NGLY1: variants seen among roughly 807,000 people sequenced by gnomAD.
NGLY1 encodes the protein N-glycanase 1.
Under a neutral mutation model 84.6 loss-of-function variants are expected in NGLY1, and 68 were observed. The ratio of observed to expected loss-of-function variants is 0.80; its 90% CI spans 0.66 to 0.98. The LOEUF is 0.98. NGLY1 is among the 50% of genes least tolerant of loss of function. The pLI, the probability that NGLY1 is intolerant of heterozygous loss-of-function variation, is 0.00. For missense variants in NGLY1, 779 were observed against 770.2 expected (o/e 1.01, Z -0.14); for synonymous variants, 280 against 275.2 (o/e 1.02, Z -0.17).
At chr3:25,755,493 C>G (rs982367181) in intron 3 of NGLY1, 1 of 1,459,514 alleles carries the variant, frequency 6.9e-7, no homozygotes. Flanking sequence ...TCCACCTTCT[C>G]GGTCCACACC....
intron 10 of NGLY1, among the ~76,000 whole-genome samples, chr3:25,721,818 C>T (rs1705010403): frequency 6.7e-6 from 1 of 149,970 alleles, no homozygotes; most frequent in Non-Finnish European, 1.5e-5. Context: ...CTTGAATTGC[C>T]AATGCTCCTT....
chr3:25,778,813 A>T, intron 1 of NGLY1, 125 bp from the exon 2 acceptor site: 1 of 469,268 alleles, frequency 2.1e-6, no homozygotes. Context: ...TTCTTCCCTA[A>T]ACCAATGGTT....
At chr3:25,750,997 G>A in intron 4 of NGLY1, 101 bp downstream of exon 4, 1 of 1,227,760 alleles carries the variant, frequency 8.1e-7, no homozygotes. Flanking sequence ...GACCCATGCA[G>A]TTCAAACCCA....
chr3:25,729,362 G>A, intron 9 of NGLY1, 44 bp from the exon 10 acceptor site: 3 of 1,217,920 alleles, frequency 2.5e-6, no homozygotes, highest in African/African-American at 1.6e-5. Flanking sequence ...TATGAAAGAT[G>A]TAAAAAAGAA....
chr3:25,748,901 TAA>T (rs552731325), intron 4 of NGLY1, among the ~76,000 whole-genome samples: 1 of 144,172 alleles, frequency 6.9e-6, no homozygotes, highest in Non-Finnish European at 1.5e-5. Context: ...CGTATTCAGG[TAA>T]AAAAAAAAAG....
chr3:25,768,712 A>T (rs1707742075), intron 2 of NGLY1, among the ~76,000 whole-genome samples: 1 of 151,598 alleles, frequency 6.6e-6, no homozygotes, highest in South Asian at 2.1e-4. Flanking sequence ...CGCCCGGCTA[A>T]TTTTTTGTAT....
rs188740052 is a variant in NGLY1, at chr3:25,789,846, G to C, written c.5+15C>G. 2.6e-6 allele frequency: 4 copies of C among 1,551,534 alleles called. No individual in the cohort carries two copies. The Admixed American group carries it at 7.8e-5, about 30-fold the overall frequency. Reference sequence around the variant, plus strand: ...TGCCAAAGAAAAATGCCTTTTTGATGGGTGAAAATGCTACCTCATCGCGTT... The same window carrying C: ...TGCCAAAGAAAAATGCCTTTTTGATCGGTGAAAATGCTACCTCATCGCGTT... On this transcript the variant is annotated intron_variant, in intron 1 of 11. Coordinates refer to the NGLY1 transcript ENST00000417874.
chr3:25,766,552 A>C (rs1271871268), intron 2 of NGLY1, among the ~76,000 whole-genome samples: 3 of 152,244 alleles, frequency 2.0e-5, no homozygotes, highest in Non-Finnish European at 4.4e-5. Flanking sequence ...AGCGGAGAAC[A>C]TTTGTACAAC....
intron 4 of NGLY1, among the ~76,000 whole-genome samples, chr3:25,740,567 G>A (rs911351348): frequency 1.3e-5 from 2 of 151,878 alleles, no homozygotes; most frequent in Non-Finnish European, 2.9e-5. Flanking sequence ...TAAATATGAA[G>A]GACATATATA....
chr3:25,745,641 C>T (rs1478537844), intron 4 of NGLY1, among the ~76,000 whole-genome samples: 2 of 152,150 alleles, frequency 1.3e-5, no homozygotes, highest in East Asian at 1.9e-4. Flanking sequence ...ACAACTTTCA[C>T]ATCCATCTTC....
chr3:25,783,320 G>A lies in NGLY1; in HGVS notation c.71C>T (p.Thr24Ile). ...GGAGGCCTCCAAAAAGGTCTCCGGGGTGTTCTGGCAGAGCTCAGCCACGGC... is the reference window on the plus strand; with the variant it reads ...GGAGGCCTCCAAAAAGGTCTCCGGGATGTTCTGGCAGAGCTCAGCCACGGC... ...SPAVAELCQN[T>I]PETFLEASKL... Residue 24 changes from threonine (T) to isoleucine (I), a missense_variant, in exon 1 of 12, where the codon ACC (threonine) becomes ATC (isoleucine). Coordinates refer to ENST00000280700, the MANE Select transcript of NGLY1 (RefSeq NM_018297.4). The surrounding 1 kb of genome is among the most constrained non-coding windows in gnomAD (Gnocchi z 4.5). 2 of 1,602,326 alleles carry A rather than the reference G, an allele frequency of 1.2e-6. No homozygotes were observed. Among genetic ancestry groups the A allele is most frequent in the South Asian group, 1.1e-5 (1 of 89,358 alleles).
Position 25,732,330 on chromosome 3 carries a change from T to C in NGLY1, c.1414A>G (p.Met472Val), listed in dbSNP as rs1705577127. ...AATGAATTAAATACCTGTAGACCCA[T>C]TTCACCTCGGGCTACTCTCCAAGCC... Reference protein sequence around the residue: ...SVAWRVARGEMGLQRKETLFI... With the variant: ...SVAWRVARGEVGLQRKETLFI... Residue 472 changes from methionine to valine, a missense_variant, in exon 9 of 12, where the codon ATG (methionine) becomes GTG (valine). Transcript: ENST00000280700. 3 of 1,613,432 alleles carry C rather than the reference T, an allele frequency of 1.9e-6. No individual in the cohort carries two copies. In the African/African-American group the frequency reaches 4.0e-5, roughly 22 times the overall value.
At position 25,783,172 on chromosome 3, in the gene NGLY1, C is replaced by G. The variant is rs1708499495; in HGVS notation, c.131+88G>C. 8 of 1,274,190 alleles carry G rather than the reference C, an allele frequency of 6.3e-6. No individual in the cohort carries two copies. The highest frequency in any genetic ancestry group is 8.9e-6 in the Non-Finnish European group (8 of 896,114). The allele number at this position is 1,274,190 out of a possible 1,614,324, so 78.9% of individuals were successfully genotyped here. On this transcript the variant is annotated intron_variant, in intron 1 of 11. Transcript: ENST00000280700. The surrounding 1 kb of genome is among the most constrained non-coding windows in gnomAD (Gnocchi z 4.5). ...GTCCGGGCGTCGCTGCCCTCTGAAG[C>G]TCAGGCCGGACGCCCCAGTCCCTGG... is the stretch of plus-strand genomic sequence containing the variant.
chr3:25,788,386 A>G (rs1302462860), upstream of NGLY1, among the ~76,000 whole-genome samples: 1 of 152,240 alleles, frequency 6.6e-6, no homozygotes, highest in Non-Finnish European at 1.5e-5. Flanking sequence ...GGATAAGCAG[A>G]GCCCATTTGA....
intron 3 of NGLY1, among the ~76,000 whole-genome samples, chr3:25,759,956 C>T (rs1421702423): frequency 1.3e-5 from 2 of 150,790 alleles, no homozygotes; most frequent in Non-Finnish European, 3.0e-5. Flanking sequence ...CAAATCAAGG[C>T]TTGAGCCTAC....
chr3:25,770,315 A>G (rs1707830578), intron 2 of NGLY1, among the ~76,000 whole-genome samples: 2 of 151,910 alleles, frequency 1.3e-5, no homozygotes, highest in Admixed American at 1.3e-4. Flanking sequence ...TGCCCAGCAA[A>G]TTTTTGTATT....
Position 25,783,118 on chromosome 3 carries a change from G to T in NGLY1, c.131+142C>A. 1 of 726,376 alleles carries T rather than the reference G, an allele frequency of 1.4e-6. No individual in the cohort carries two copies. Among genetic ancestry groups the T allele is most frequent in the Non-Finnish European group, 2.2e-6 (1 of 463,026 alleles). The allele number at this position is 726,376 out of a possible 1,614,324, so 45.0% of individuals were successfully genotyped here. ...CCCTGGCCGGCGGGCTCGGACGTTAGGAGCAGAACCAGCTCCAGGTCCCGG... is the reference window on the plus strand; with the variant it reads ...CCCTGGCCGGCGGGCTCGGACGTTATGAGCAGAACCAGCTCCAGGTCCCGG... On this transcript the variant is annotated intron_variant, in intron 1 of 11. Coordinates refer to ENST00000280700, the MANE Select transcript of NGLY1 (RefSeq NM_018297.4). This position sits in a 1 kb window ranked among gnomAD's most constrained non-coding sequence, Gnocchi z 4.5.
At chr3:25,756,198 A>G (rs748781969) in intron 3 of NGLY1, among the ~76,000 whole-genome samples, 2 of 152,038 alleles carry the variant, frequency 1.3e-5, no homozygotes, top group African/African-American at 2.4e-5. Flanking sequence ...TAATTCCCCA[A>G]CTGAACTCCC....
At position 25,782,972 on chromosome 3, in the gene NGLY1, G is replaced by A. The variant is rs1403155663; in HGVS notation, c.131+288C>T. 6 of 367,426 alleles carry A rather than the reference G, an allele frequency of 1.6e-5. No homozygotes were observed. The Admixed American group carries it at 1.9e-4, about 12-fold the overall frequency. The allele number at this position is 367,426 out of a possible 1,614,324, so 22.8% of individuals were successfully genotyped here. A position where few individuals can be genotyped will look rare whatever the true frequency, so the allele number is the denominator to read the frequency against. ...AAGCACGCCTTCCTACCTCTCCTCC[G>A]CCCGGCCCCGCTTCCGGGACTCCAG... On this transcript the variant is annotated intron_variant, in intron 1 of 11. Transcript: ENST00000280700.
Sources: gnomAD v4.1 joint callset for allele counts (sites outside exome capture counted in the v4.1 genomes callset) on GRCh38, gnomAD v4.1.1 for gene constraint, Gnocchi (gnomAD v3.1) non-coding constraint, MANE v1.5 for transcripts, NCBI Gene and HGNC (gene_info 2026-07-23, HGNC 2026-07-21) for gene names.